TAF3: variants seen among roughly 807,000 people sequenced by gnomAD.
TAF3 encodes TATA-box binding protein associated factor 3.
A neutral mutation model predicts 80.6 loss-of-function variants in TAF3; 7 were observed. The observed-to-expected ratio is 0.09, with a 90% CI of 0.05 to 0.16. The LOEUF is 0.16. TAF3 is among the 10% of genes least tolerant of loss of function. TAF3 has a pLI of 1.00. For missense variants in TAF3, 921 were observed against 1,140.2 expected (o/e 0.81, Z 2.77); for synonymous variants, 444 against 446.1 (o/e 1.00, Z 0.06).
intron 2 of TAF3, among the ~76,000 whole-genome samples, chr10:7,897,027 G>T (rs1421146972): frequency 6.6e-6 from 1 of 152,154 alleles, no homozygotes; most frequent in Non-Finnish European, 1.5e-5. Flanking sequence ...TTGACCACAT[G>T]GTCCCTCCAT....
rs1004835431 is a variant in TAF3 at position 8,009,389 on chromosome 10, G to A, written c.2568+59G>A. ...GACGTTTTCAGATCGAGACAAGTGT[G>A]TGCTCTGAATCACTATCGAATTTCA... On this transcript the variant is annotated intron_variant, in intron 5 of 6. Coordinates refer to ENST00000344293, the MANE Select transcript of TAF3 (RefSeq NM_031923.4). The surrounding 1 kb of genome is among the most constrained non-coding windows in gnomAD (Gnocchi z 4.1). 6.6e-7 allele frequency: 1 copy of A among 1,524,414 alleles called. No homozygotes were observed. The highest frequency in any genetic ancestry group is 2.0e-5 in the Admixed American group (1 of 49,472). 94.4% of individuals were successfully genotyped at this position (1,524,414 alleles called of 1,614,324 possible).
At chr10:7,860,502 C>T (rs541312367) in intron 2 of TAF3, among the ~76,000 whole-genome samples, 1 of 152,142 alleles carries the variant, frequency 6.6e-6, no homozygotes, top group South Asian at 2.1e-4. Context: ...TGTATTTGTA[C>T]ATTTTATGGA....
Position 7,994,587 on chromosome 10 carries a change from G to A in TAF3, c.2316-14491G>A, listed in dbSNP as rs1005985348. 3.3e-5 allele frequency among the ~76,000 whole-genome samples: 5 copies of A among 152,044 alleles called. No homozygotes were observed. The East Asian group carries it at 5.8e-4, about 18-fold the overall frequency. On this transcript the variant is annotated intron_variant, in intron 4 of 6. Transcript: ENST00000344293. ...TGGTCTCAAACTCCTGGGCTCAAGC[G>A]ATTCTCCCACCTCAGCCTCCCAAAG...
rs1480472579 is a variant in TAF3 at position 7,925,174 on chromosome 10, C to T, written c.410-38746C>T. 2.0e-5 allele frequency among the ~76,000 whole-genome samples: 3 copies of T among 152,260 alleles called. No individual in the cohort carries two copies. The East Asian group carries it at 5.8e-4, about 29-fold the overall frequency. ...TATTTTTAAACTTCAAAAATGTGTA[C>T]TTGACTAGAATTGTAGTTCTTTGCT... On this transcript the variant is annotated intron_variant, in intron 2 of 6. Coordinates refer to ENST00000344293, the MANE Select transcript of TAF3 (RefSeq NM_031923.4).
chr10:7,965,750 G>T lies in TAF3; in HGVS notation c.2232+8G>T. The T allele has an allele frequency of 6.6e-7, 1 of 1,519,308 alleles. No homozygotes were observed. The highest frequency in any genetic ancestry group is 8.7e-7 in the Non-Finnish European group (1 of 1,142,890). The allele number at this position is 1,519,308 out of a possible 1,614,324, so 94.1% of individuals were successfully genotyped here. On this transcript the variant is annotated splice_region_variant and intron_variant, in intron 3 of 6. Transcript: ENST00000344293. ...AAACACAAGCATGAAAAAGTAAGCA[G>T]TTTCTCATTTTTGGCCCTATCTGAA...
intron 3 of TAF3, among the ~76,000 whole-genome samples, chr10:7,975,815 C>G (rs1178400590): frequency 6.6e-6 from 1 of 152,056 alleles, no homozygotes; most frequent in East Asian, 1.9e-4. Flanking sequence ...TTTATGTGTT[C>G]CCCTTTAGAA....
At chr10:7,946,409 C>T (rs1838024872) in intron 2 of TAF3, among the ~76,000 whole-genome samples, 3 of 152,192 alleles carry the variant, frequency 2.0e-5, no homozygotes, top group South Asian at 2.1e-4. Flanking sequence ...TCAGTATTCA[C>T]ATAGTTGCTT....
At chr10:7,818,999 C>T (rs1362516814) in intron 1 of TAF3, 124 bp downstream of exon 1, 4 of 1,015,250 alleles carry the variant, frequency 3.9e-6, no homozygotes, top group Non-Finnish European at 3.9e-6. Context: ...CTGCTGTTTC[C>T]TCGGCCTCCC....
At chr10:7,820,104 G>A (rs1588511254) in intron 1 of TAF3, among the ~76,000 whole-genome samples, 1 of 152,180 alleles carries the variant, frequency 6.6e-6, no homozygotes, top group East Asian at 1.9e-4. Flanking sequence ...AATGTTTTAA[G>A]CTGTCCATTC....
intron 2 of TAF3, among the ~76,000 whole-genome samples, chr10:7,861,788 C>CT (rs370373369): frequency 8.9e-5 from 13 of 146,204 alleles, no homozygotes; most frequent in South Asian, 2.2e-4. Context: ...GGTTTTCTTT[C>CT]TTTTTTTTTC....
chr10:7,842,940 G>A (rs113995184), intron 2 of TAF3, among the ~76,000 whole-genome samples: 1,604 of 152,330 alleles, frequency 0.011, 27 homozygotes, highest in African/African-American at 0.037. Flanking sequence ...TTACAGTACA[G>A]TAAATATATG....
intron 4 of TAF3, among the ~76,000 whole-genome samples, chr10:8,002,844 T>C (rs1831957092): frequency 6.6e-6 from 1 of 152,200 alleles, no homozygotes; most frequent in Admixed American, 6.5e-5. Flanking sequence ...CAGTTTTTGC[T>C]TTATATGTTT....
At chr10:7,895,623 G>C (rs1192668858) in intron 2 of TAF3, among the ~76,000 whole-genome samples, 1 of 152,166 alleles carries the variant, frequency 6.6e-6, no homozygotes, top group East Asian at 1.9e-4. Context: ...GAGGGCTCCA[G>C]GTTGAGTCTT....
intron 2 of TAF3, among the ~76,000 whole-genome samples, chr10:7,937,265 C>A (rs1377733259): frequency 6.6e-6 from 1 of 152,154 alleles, no homozygotes; most frequent in African/African-American, 2.4e-5. Flanking sequence ...GCCAAACTGT[C>A]TTCCTAATTG....
At chr10:7,874,747 A>G (rs1157830886) in intron 2 of TAF3, among the ~76,000 whole-genome samples, 1 of 151,804 alleles carries the variant, frequency 6.6e-6, no homozygotes, top group Non-Finnish European at 1.5e-5. Context: ...CCACAACATT[A>G]GGTGAAATGT....
intron 2 of TAF3, among the ~76,000 whole-genome samples, chr10:7,834,142 C>T (rs1836828158): frequency 6.6e-6 from 1 of 152,212 alleles, no homozygotes; most frequent in Admixed American, 6.5e-5. Context: ...TTTTCCTCCT[C>T]ACCCACAGGT....
chr10:7,843,946 A>G (rs1051490966), intron 2 of TAF3, among the ~76,000 whole-genome samples: 3 of 152,170 alleles, frequency 2.0e-5, no homozygotes, highest in Non-Finnish European at 4.4e-5. Flanking sequence ...ACAATTCAGT[A>G]GGTGGCACTC....
At chr10:7,900,386 G>T (rs1482078183) in intron 2 of TAF3, among the ~76,000 whole-genome samples, 1 of 152,146 alleles carries the variant, frequency 6.6e-6, no homozygotes, top group Non-Finnish European at 1.5e-5. Flanking sequence ...TATTTCTTGG[G>T]TTTGGAATTG....
chr10:8,003,872 GC>G (rs1454147198), intron 4 of TAF3, among the ~76,000 whole-genome samples: 2 of 151,862 alleles, frequency 1.3e-5, no homozygotes, highest in Non-Finnish European at 2.9e-5. Context: ...AGAGCAAGAC[GC>G]CATTATCAAA....
Sources: allele counts gnomAD v4.1 joint callset (sites outside exome capture counted in the v4.1 genomes callset), GRCh38; gene constraint gnomAD v4.1.1; non-coding constraint Gnocchi (gnomAD v3.1); transcripts MANE v1.5; gene names NCBI Gene and HGNC (gene_info 2026-07-23, HGNC 2026-07-21).